The following FBN2 variants were observed in gnomAD, a reference collection of about 807,000 sequenced individuals.
FBN2 encodes fibrillin 2, also known as fibrillin-2.
A neutral mutation model predicts 355.6 loss-of-function variants in FBN2; 105 were observed. The ratio of observed to expected loss-of-function variants is 0.30; its 90% CI spans 0.25 to 0.35. The LOEUF is 0.35. Ranked by LOEUF, FBN2 falls within the 10% of genes least tolerant of loss-of-function variation. The pLI is 1.00. For synonymous variants in FBN2, 1,350 were observed against 1,301.2 expected, an observed-to-expected ratio of 1.04 and a Z score of -0.81; for missense variants, 3,280 against 3,758.7, an observed-to-expected ratio of 0.87 and a Z score of 3.33.
At chr5:128,504,656 C>T (rs1038133888) in intron 5 of FBN2, among the ~76,000 whole-genome samples, 5 of 152,214 alleles carry the variant, frequency 3.3e-5, no homozygotes, top group Non-Finnish European at 7.3e-5. Context: ...AATGCCTGCA[C>T]AACCATTGTA....
intron 5 of FBN2, among the ~76,000 whole-genome samples, chr5:128,489,207 T>G (rs1444322901): frequency 6.6e-6 from 1 of 152,198 alleles, no homozygotes; most frequent in Non-Finnish European, 1.5e-5. Context: ...TGGCCAGTTC[T>G]AAGAAGCAAA....
chr5:128,415,958 C>G (rs956851747), intron 7 of FBN2, among the ~76,000 whole-genome samples: 1 of 151,370 alleles, frequency 6.6e-6, no homozygotes, highest in African/African-American at 2.4e-5. Context: ...ATTAGTAATA[C>G]TGAGCATTTT....
chr5:128,514,937 T>C (rs1052098076), intron 5 of FBN2, among the ~76,000 whole-genome samples: 1 of 152,238 alleles, frequency 6.6e-6, no homozygotes, highest in African/African-American at 2.4e-5. Flanking sequence ...TAGAATTCTA[T>C]GTAATACCAG....
chr5:128,447,122 G>A lies in FBN2; in HGVS notation c.827-516C>T, dbSNP rs74787788. 1.1e-4 allele frequency among the ~76,000 whole-genome samples: 17 copies of A among 152,124 alleles called. No homozygotes were observed. The South Asian group carries it at 1.5e-3, about 13-fold the overall frequency. ...TCTTCGTAAGCTGAGGATGTAGGTC[G>A]CCTCAGGACCCTGTGATGATTGCGT... is the stretch of plus-strand genomic sequence containing the variant. On this transcript the variant is annotated intron_variant, in intron 6 of 64. Coordinates refer to ENST00000262464, the MANE Select transcript of FBN2 (RefSeq NM_001999.4).
chr5:128,273,166 G>T (rs1337279284), intron 61 of FBN2, among the ~76,000 whole-genome samples: 1 of 152,168 alleles, frequency 6.6e-6, no homozygotes, highest in Non-Finnish European at 1.5e-5. Flanking sequence ...TCTGGCATGG[G>T]TGTTTATAAG....
At chr5:128,347,561 C>G (rs1239312378) in intron 23 of FBN2, among the ~76,000 whole-genome samples, 2 of 152,168 alleles carry the variant, frequency 1.3e-5, no homozygotes, top group East Asian at 3.9e-4. Context: ...CTGCAAGCAT[C>G]TGAGTTTGGG....
At chr5:128,391,148 T>C (rs1752499855) in intron 11 of FBN2, among the ~76,000 whole-genome samples, 1 of 152,228 alleles carries the variant, frequency 6.6e-6, no homozygotes, top group South Asian at 2.1e-4. Context: ...TCTACATGGT[T>C]AACTAAACTT....
chr5:128,359,395 G>A (rs1206777607), intron 19 of FBN2, among the ~76,000 whole-genome samples: 1 of 151,990 alleles, frequency 6.6e-6, no homozygotes, highest in African/African-American at 2.4e-5. Context: ...ATGCAACAGA[G>A]GAAATAAGAA....
intron 19 of FBN2, among the ~76,000 whole-genome samples, chr5:128,359,478 A>AAC (rs778572532): frequency 1.3e-5 from 2 of 152,118 alleles, no homozygotes; most frequent in Non-Finnish European, 2.9e-5. Context: ...AAATGCAAAT[A>AAC]ACAGTGGGAA....
intron 5 of FBN2, among the ~76,000 whole-genome samples, chr5:128,490,946 A>C (rs570130218): frequency 1.1e-4 from 17 of 152,336 alleles, no homozygotes; most frequent in African/African-American, 3.6e-4. Context: ...TTCCAAGTAC[A>C]GAGTGCTCTT....
intron 5 of FBN2, among the ~76,000 whole-genome samples, chr5:128,503,329 A>G (rs1308977397): frequency 1.3e-5 from 2 of 152,198 alleles, no homozygotes; most frequent in African/African-American, 4.8e-5. Context: ...CAGACTACTA[A>G]TACAGTAAAT....
At chr5:128,463,372 CATT>C (rs1244345055) in intron 6 of FBN2, among the ~76,000 whole-genome samples, 1 of 152,076 alleles carries the variant, frequency 6.6e-6, no homozygotes, top group Non-Finnish European at 1.5e-5. Flanking sequence ...CAGTCTTCAT[CATT>C]AAGGCCTGAG....
chr5:128,274,483 C>A (rs998682097), intron 60 of FBN2, 84 bp downstream of exon 60: 1 of 807,630 alleles, frequency 1.2e-6, no homozygotes, highest in African/African-American at 1.7e-5. Flanking sequence ...AATACCAGGA[C>A]ATTCTTCTGT....
chr5:128,288,324 A>T (rs768262570), intron 53 of FBN2, 114 bp downstream of exon 53: 470 of 1,259,046 alleles, frequency 3.7e-4, no homozygotes, highest in Non-Finnish European at 4.7e-4. Flanking sequence ...AAAACAAAAA[A>T]CCCCACCGTA....
intron 53 of FBN2, among the ~76,000 whole-genome samples, 188 bp from the exon 54 acceptor site, chr5:128,287,618 G>T (rs1749191581): frequency 6.6e-6 from 1 of 152,184 alleles, no homozygotes; most frequent in Admixed American, 6.5e-5. Context: ...ACTCCGGAAA[G>T]AATATAAAAA....
rs188474514 is a variant in FBN2, at chr5:128,431,716, C to T, written c.952+14765G>A. The stretch of plus-strand genomic sequence containing the variant: ...CCATCACTACTCTAGCACTTTGGGG[C>T]ATTATTAAGTAAAATAAGGGTCACT... On this transcript the variant is annotated intron_variant, in intron 7 of 64. Transcript: ENST00000262464. Among the ~76,000 whole-genome samples, 6 of 152,210 alleles carry T rather than the reference C, an allele frequency of 3.9e-5. No homozygotes were observed. In the East Asian group the frequency reaches 1.2e-3, roughly 29 times the overall value.
chr5:128,311,686 ACAGT>A (rs1027528168), intron 38 of FBN2, among the ~76,000 whole-genome samples, 195 bp downstream of exon 38: 11 of 152,252 alleles, frequency 7.2e-5, no homozygotes, highest in African/African-American at 2.6e-4. Flanking sequence ...TCTCTGCAGA[ACAGT>A]CAGACGTCAA....
At chr5:128,268,909 T>G (rs1765188526) in intron 62 of FBN2, among the ~76,000 whole-genome samples, 1 of 152,150 alleles carries the variant, frequency 6.6e-6, no homozygotes, top group South Asian at 2.1e-4. Context: ...AAACCCACAG[T>G]CAATATCATA....
In FBN2 at chr5:128,529,842, AAG is replaced by A. The variant is rs1205966420; in HGVS notation, c.436+751_436+752del. Among the ~76,000 whole-genome samples the A allele has an allele frequency of 2.0e-5, 3 of 152,198 alleles. No homozygotes were observed. In the South Asian group the frequency reaches 6.2e-4, roughly 32 times the overall value. ...TGGCAGATTCAAAGGAAGTGAAATT[AAG>A]AGAGTTTTCATCAGGAGTTTCATCA... On this transcript the variant is annotated intron_variant, in intron 3 of 64. Coordinates refer to ENST00000262464, the MANE Select transcript of FBN2 (RefSeq NM_001999.4).
Sources: allele counts gnomAD v4.1 joint callset (sites outside exome capture counted in the v4.1 genomes callset), GRCh38; gene constraint gnomAD v4.1.1; transcripts MANE v1.5; gene names NCBI Gene and HGNC (gene_info 2026-07-23, HGNC 2026-07-21).